The following CLDN16 variants were observed in gnomAD, a reference collection of about 807,000 sequenced individuals.
CLDN16 encodes claudin 16.
In CLDN16, 13 loss-of-function variants were observed where a neutral mutation model predicts 24.6. The observed-to-expected ratio is 0.53, with a 90% CI of 0.34 to 0.84. CLDN16 has a LOEUF of 0.84. Ranked by LOEUF, CLDN16 falls within the 40% of genes least tolerant of loss-of-function variation. The pLI is 0.01. For synonymous variants in CLDN16, 116 were observed against 106.7 expected, an observed-to-expected ratio of 1.09 and a Z score of -0.54; for missense variants, 298 against 292.7, an observed-to-expected ratio of 1.02 and a Z score of -0.13.
At chr3:190,310,386 A>G in the CLDN16 span, 2 of 669,304 alleles carry the variant, frequency 3.0e-6, no homozygotes, top group African/African-American at 3.6e-5. Context: ...TTTTGGTATT[A>G]GGGAGATTAG....
At chr3:190,368,420 A>C (rs1421782151) in intron 1 of CLDN16, among the ~76,000 whole-genome samples, 1 of 152,004 alleles carries the variant, frequency 6.6e-6, no homozygotes, top group African/African-American at 2.4e-5. Context: ...ATCCTGAGTC[A>C]GAACCACACA....
chr3:190,329,581 G>T (rs1006392004), intron 1 of CLDN16, among the ~76,000 whole-genome samples: 4 of 152,134 alleles, frequency 2.6e-5, no homozygotes, highest in Non-Finnish European at 5.9e-5. Flanking sequence ...GATGCAATTT[G>T]GCTGTATTGT....
the CLDN16 span, among the ~76,000 whole-genome samples, chr3:190,294,465 A>G: frequency 1.4e-4 from 21 of 152,182 alleles, no homozygotes; most frequent in Non-Finnish European, 2.5e-4. Flanking sequence ...AATGTAAATT[A>G]ATTTAATTTT....
At chr3:190,388,025 C>G (rs1333099676), upstream of CLDN16, 10 of 1,203,294 alleles carry the variant, frequency 8.3e-6, no homozygotes, top group Non-Finnish European at 1.2e-5. Flanking sequence ...ACAGTTGGGT[C>G]AGAAAACGTT....
At chr3:190,375,993 T>C (rs4686546) in intron 3 of CLDN16, among the ~76,000 whole-genome samples, 84,931 of 151,618 alleles carry the variant, frequency 0.56, 24,110 homozygotes, top group African/African-American at 0.64. Context: ...CCCCTCCATT[T>C]TTGCCAAGCA....
At chr3:190,309,761 C>T in the CLDN16 span, among the ~76,000 whole-genome samples, 3,241 of 152,206 alleles carry the variant, frequency 0.021, 127 homozygotes, top group African/African-American at 0.074. Flanking sequence ...TCATTAACCC[C>T]TATAGTAGTA....
At chr3:190,304,013 G>A in the CLDN16 span, among the ~76,000 whole-genome samples, 1 of 152,188 alleles carries the variant, frequency 6.6e-6, no homozygotes, top group East Asian at 1.9e-4. Flanking sequence ...TTGGGACAAG[G>A]TTGGTCCTGA....
chr3:190,360,851 C>T (rs1352623333), intron 1 of CLDN16, among the ~76,000 whole-genome samples: 1 of 151,784 alleles, frequency 6.6e-6, no homozygotes, highest in African/African-American at 2.4e-5. Context: ...GTATTGTCAC[C>T]TTTGGAATAA....
upstream of CLDN16, among the ~76,000 whole-genome samples, chr3:190,387,311 T>C (rs1331314735): frequency 1.3e-5 from 2 of 151,972 alleles, no homozygotes; most frequent in African/African-American, 4.8e-5. Context: ...CAGTTACATA[T>C]TAAAAACTTT....
chr3:190,371,377 C>A (rs1405617131), intron 2 of CLDN16, among the ~76,000 whole-genome samples: 2 of 151,822 alleles, frequency 1.3e-5, no homozygotes, highest in Non-Finnish European at 2.9e-5. Context: ...TTTAGTTTCT[C>A]TGACTTTCCT....
intron 1 of CLDN16, among the ~76,000 whole-genome samples, chr3:190,323,624 A>C (rs932201013): frequency 6.6e-6 from 1 of 152,186 alleles, no homozygotes; most frequent in African/African-American, 2.4e-5. Context: ...AAGCAGAAAT[A>C]AACATATTAA....
intron 1 of CLDN16, among the ~76,000 whole-genome samples, chr3:190,401,335 C>G (rs116007377): frequency 0.01 from 1,144 of 112,624 alleles, 16 homozygotes; most frequent in African/African-American, 0.039. Context: ...TCATCCCACC[C>G]TGCTCTGTTA....
intron 1 of CLDN16, among the ~76,000 whole-genome samples, chr3:190,362,987 T>G (rs1296716420): frequency 1.3e-5 from 2 of 152,016 alleles, no homozygotes; most frequent in African/African-American, 4.8e-5. Flanking sequence ...CTTGCATATG[T>G]GCATTTTTTA....
intron 2 of CLDN16, among the ~76,000 whole-genome samples, chr3:190,374,057 T>C (rs897855122): frequency 6.6e-6 from 1 of 151,648 alleles, no homozygotes; most frequent in Non-Finnish European, 1.5e-5. Flanking sequence ...TAAAAAAAAA[T>C]GAGGAGGAAT....
At position 190,346,651 on chromosome 3, in the gene CLDN16, G is replaced by A. The variant is rs150782250; in HGVS notation, n.121+23990G>A. On this transcript the variant is annotated intron_variant and non_coding_transcript_variant, in intron 1 of 4. Coordinates refer to the CLDN16 transcript ENST00000468220. ...TCTCTCATTTTTCTGGAGCCCAGAC[G>A]TCTGAGATCAGGATACCAGTAAGGT... Among the ~76,000 whole-genome samples the A allele has an allele frequency of 7.2e-5, 11 of 152,240 alleles. No homozygotes were observed. In the East Asian group the frequency reaches 9.7e-4, roughly 13 times the overall value.
the CLDN16 span, among the ~76,000 whole-genome samples, chr3:190,311,749 GAT>G: frequency 6.6e-6 from 1 of 150,890 alleles, no homozygotes; most frequent in African/African-American, 2.4e-5. Flanking sequence ...TAGATATAAA[GAT>G]ATATATATAC....
intron 1 of CLDN16, among the ~76,000 whole-genome samples, chr3:190,355,867 A>T (rs1431646566): frequency 1.2e-4 from 18 of 151,706 alleles, no homozygotes; most frequent in Admixed American, 1.1e-3. Context: ...TTGATTTCTC[A>T]TTTCTGTGGG....
At chr3:190,372,674 A>G (rs1303833730) in intron 2 of CLDN16, among the ~76,000 whole-genome samples, 1 of 151,914 alleles carries the variant, frequency 6.6e-6, no homozygotes, top group Non-Finnish European at 1.5e-5. Context: ...AATGAGTTAA[A>G]CAAAAATGAG....
intron 4 of CLDN16, 79 bp downstream of exon 4, chr3:190,408,584 GA>G: frequency 2.3e-6 from 3 of 1,320,226 alleles, no homozygotes; most frequent in Non-Finnish European, 3.2e-6. Flanking sequence ...ATTTCAAAAG[GA>G]AAAAAATGTT....
Sources: gnomAD v4.1 joint callset for allele counts (sites outside exome capture counted in the v4.1 genomes callset) on GRCh38, gnomAD v4.1.1 for gene constraint, MANE v1.5 for transcripts, NCBI Gene and HGNC (gene_info 2026-07-23, HGNC 2026-07-21) for gene names.